NRP2: variants seen among roughly 807,000 people sequenced by gnomAD.
NRP2 encodes the protein neuropilin 2.
A neutral mutation model predicts 110.4 loss-of-function variants in NRP2; 52 were observed. The observed-to-expected ratio is 0.47, with a 90% CI of 0.38 to 0.59. The LOEUF (loss-of-function observed/expected upper bound fraction) is 0.59. NRP2 is among the 20% of genes least tolerant of loss of function. NRP2 has a pLI of 0.00. For missense variants in NRP2, 1,049 were observed against 1,203.0 expected, an observed-to-expected ratio of 0.87 and a Z score of 1.89; for synonymous variants, 508 against 468.9, an observed-to-expected ratio of 1.08 and a Z score of -1.08.
intron 16 of NRP2, among the ~76,000 whole-genome samples, chr2:205,792,998 T>C (rs547087755): frequency 6.6e-6 from 1 of 152,214 alleles, no homozygotes; most frequent in African/African-American, 2.4e-5. Context: ...CTAAGATTGA[T>C]GAATTTAAGA....
At chr2:205,690,419 A>G (rs1228303029) in intron 1 of NRP2, among the ~76,000 whole-genome samples, 1 of 152,128 alleles carries the variant, frequency 6.6e-6, no homozygotes, top group Non-Finnish European at 1.5e-5. Context: ...AAAACCCCTG[A>G]GATAAATTAA....
intron 10 of NRP2, among the ~76,000 whole-genome samples, chr2:205,747,699 A>C (rs1382702107): frequency 1.3e-5 from 2 of 152,184 alleles, no homozygotes; most frequent in Non-Finnish European, 2.9e-5. Flanking sequence ...GGTAGAAGTC[A>C]CTTGCCAGAG....
chr2:205,747,923 G>A (rs1051598196), intron 10 of NRP2, among the ~76,000 whole-genome samples: 1 of 152,130 alleles, frequency 6.6e-6, no homozygotes, highest in African/African-American at 2.4e-5. Flanking sequence ...GATCAGAGTT[G>A]AGGAGCGTTC....
chr2:205,752,430 T>C (rs1442706874), intron 11 of NRP2: 1 of 303,772 alleles, frequency 3.3e-6, no homozygotes, highest in African/African-American at 2.2e-5. Flanking sequence ...GAGAGCCAGG[T>C]TGGCAGGAGA....
intron 15 of NRP2, chr2:205,767,328 G>A (rs2057941655): frequency 6.3e-6 from 3 of 474,582 alleles, no homozygotes; most frequent in Admixed American, 2.2e-5. Flanking sequence ...CCTCAGTGAG[G>A]TACGGTGGCA....
intron 15 of NRP2, among the ~76,000 whole-genome samples, chr2:205,787,067 A>T (rs966729239): frequency 9.9e-5 from 15 of 152,088 alleles, no homozygotes; most frequent in Non-Finnish European, 1.8e-4. Flanking sequence ...AGGCCCTCGT[A>T]CCTTTCTCAT....
At chr2:205,701,757 A>G (rs1218946227) in intron 2 of NRP2, among the ~76,000 whole-genome samples, 1 of 152,180 alleles carries the variant, frequency 6.6e-6, no homozygotes, top group Non-Finnish European at 1.5e-5. Flanking sequence ...GTGTCCAGAT[A>G]CTGAAATATC....
intron 2 of NRP2, among the ~76,000 whole-genome samples, chr2:205,699,411 C>A (rs1366638057): frequency 6.6e-6 from 1 of 152,214 alleles, no homozygotes; most frequent in Non-Finnish European, 1.5e-5. Context: ...CCTTTCTCTA[C>A]TAAGGGCCAA....
Position 205,697,764 on chromosome 2 carries a change from G to A in NRP2, c.251+43G>A, listed in dbSNP as rs199690026. The A allele has an allele frequency of 3.3e-4, 516 of 1,564,194 alleles. 4 individuals are homozygous for A. In the African/African-American group the frequency reaches 5.8e-3, roughly 17 times the overall value. On this transcript the variant is annotated intron_variant, in intron 2 of 16. Transcript: ENST00000357785. ...CCACTGTGTATCCCATCCATGAGAT[G>A]CACACGCCCTGCCCCCACCCCTGCT... is the stretch of plus-strand genomic sequence containing the variant.
chr2:205,700,139 C>A lies in NRP2; in HGVS notation c.251+2418C>A, dbSNP rs190811886. Among the ~76,000 whole-genome samples the A allele has an allele frequency of 3.4e-3, 514 of 152,334 alleles. 2 individuals carry two copies. The highest frequency in any genetic ancestry group is 7.9e-3 in the Admixed American group (121 of 15,304). On this transcript the variant is annotated intron_variant, in intron 2 of 16. Coordinates refer to ENST00000357785, the MANE Select transcript of NRP2 (RefSeq NM_003872.3). The stretch of plus-strand genomic sequence containing the variant: ...TTGTTTTACTTTCTTGTGAAAGGAA[C>A]AATTAATCTAATTGAAGTCCTGGAA...
rs1375843681 is a variant in NRP2 at position 205,696,656 on chromosome 2, C to G, written c.74-888C>G. Among the ~76,000 whole-genome samples, 3 of 152,232 alleles carry G rather than the reference C, an allele frequency of 2.0e-5. No homozygotes were observed. In the East Asian group the frequency reaches 5.8e-4, roughly 29 times the overall value. On this transcript the variant is annotated intron_variant, in intron 1 of 16. Coordinates refer to ENST00000357785, the MANE Select transcript of NRP2 (RefSeq NM_003872.3). ...CAGGCCACATGAAGCTGTCTGCCTCCAGCCAGGCACTGCAGGTACAGGGAG... is the reference window on the plus strand; with the variant it reads ...CAGGCCACATGAAGCTGTCTGCCTCGAGCCAGGCACTGCAGGTACAGGGAG...
At chr2:205,699,385 GA>G (rs2056504895) in intron 2 of NRP2, among the ~76,000 whole-genome samples, 1 of 152,260 alleles carries the variant, frequency 6.6e-6, no homozygotes, top group Non-Finnish European at 1.5e-5. Context: ...TAAGCTCAGA[GA>G]AATTTGACTA....
chr2:205,779,512 T>A (rs1190507656), intron 15 of NRP2: 2 of 152,226 alleles, frequency 1.3e-5, no homozygotes, highest in African/African-American at 4.8e-5. Flanking sequence ...GGCAAACACC[T>A]AAATAATCGA....
chr2:205,728,208 T>C (rs983931689), intron 7 of NRP2, among the ~76,000 whole-genome samples, 162 bp downstream of exon 7: 2 of 152,202 alleles, frequency 1.3e-5, no homozygotes, highest in African/African-American at 4.8e-5. Context: ...ATCTTCTCTC[T>C]TAGGCTAAAG....
At chr2:205,743,152 G>C (rs1338669748) in intron 8 of NRP2, 51 bp from the exon 9 acceptor site, 2 of 1,602,116 alleles carry the variant, frequency 1.2e-6, no homozygotes, top group South Asian at 1.1e-5. Context: ...GGTGGTCCCT[G>C]GTTAGCAGGT....
At chr2:205,731,889 G>A (rs1442812520) in intron 7 of NRP2, among the ~76,000 whole-genome samples, 1 of 152,160 alleles carries the variant, frequency 6.6e-6, no homozygotes, top group Admixed American at 6.5e-5. Context: ...AAAATCCTCA[G>A]GCACCAGCTT....
chr2:205,702,870 G>T (rs1364414654), intron 2 of NRP2, among the ~76,000 whole-genome samples: 2 of 152,170 alleles, frequency 1.3e-5, no homozygotes, highest in Non-Finnish European at 2.9e-5. Context: ...GTGTCCAGCT[G>T]CAAGCTCCCA....
At chr2:205,687,232 A>G (rs1455515490) in intron 1 of NRP2, among the ~76,000 whole-genome samples, 6 of 152,324 alleles carry the variant, frequency 3.9e-5, no homozygotes, top group Non-Finnish European at 7.4e-5. Flanking sequence ...GGTTCAGACA[A>G]ATCCTGAAAG....
intron 6 of NRP2, among the ~76,000 whole-genome samples, chr2:205,726,451 G>A (rs2057130555): frequency 1.3e-5 from 2 of 152,130 alleles, no homozygotes; most frequent in Admixed American, 6.5e-5. Context: ...CTAAGGGGAG[G>A]TTTGTTGAGG....
Sources: gnomAD v4.1 joint callset for allele counts (sites outside exome capture counted in the v4.1 genomes callset) on GRCh38, gnomAD v4.1.1 for gene constraint, MANE v1.5 for transcripts, NCBI Gene and HGNC (gene_info 2026-07-23, HGNC 2026-07-21) for gene names.